Variants in RAB3IP observed in about 807,000 individuals in gnomAD.
The protein encoded by RAB3IP is rab-3A-interacting protein.
Under a neutral mutation model 59.1 loss-of-function variants are expected in RAB3IP, and 36 were observed. That is an observed-to-expected ratio of 0.61 (90% CI 0.47 to 0.80). The LOEUF (loss-of-function observed/expected upper bound fraction) is 0.80, where lower values mean the gene tolerates loss of function less well. Among genes scored for constraint, RAB3IP ranks in the 30% least tolerant of loss-of-function variants. The probability of loss-of-function intolerance (pLI) is 0.00; values close to 1 mark genes in which losing one functional copy is unlikely to be tolerated. For missense variants in RAB3IP, 511 were observed against 536.0 expected, an observed-to-expected ratio of 0.95 and a Z score of 0.46; for synonymous variants, 207 against 191.2, an observed-to-expected ratio of 1.08 and a Z score of -0.68.
At chr12:69,780,056 C>T (rs924436863) in intron 3 of RAB3IP, among the ~76,000 whole-genome samples, 3 of 152,142 alleles carry the variant, frequency 2.0e-5, no homozygotes, top group Non-Finnish European at 4.4e-5. Flanking sequence ...CGGTAGAGGG[C>T]GCCTTAAGCC....
intron 8 of RAB3IP, among the ~76,000 whole-genome samples, chr12:69,811,101 A>T (rs1458995891): frequency 1.3e-5 from 2 of 152,214 alleles, no homozygotes; most frequent in African/African-American, 4.8e-5. Context: ...CTGGAGCTGG[A>T]GGCCGTTATC....
chr12:69,802,591 A>G (rs1454493384), intron 8 of RAB3IP, among the ~76,000 whole-genome samples: 1 of 152,206 alleles, frequency 6.6e-6, no homozygotes, highest in African/African-American at 2.4e-5. Context: ...AAAGATGCTT[A>G]TTAAGTGCTT....
At chr12:69,760,294 C>G (rs1326021307) in intron 3 of RAB3IP, among the ~76,000 whole-genome samples, 1 of 152,232 alleles carries the variant, frequency 6.6e-6, no homozygotes, top group African/African-American at 2.4e-5. Flanking sequence ...GCAGGAGAAT[C>G]AGGCAGGGAG....
intron 6 of RAB3IP, among the ~76,000 whole-genome samples, chr12:69,797,009 A>G (rs922860124): frequency 5.9e-5 from 9 of 152,208 alleles, no homozygotes; most frequent in Admixed American, 1.3e-4. Context: ...GTTTCATGAA[A>G]AACTTGTCAA....
rs1417308017 is a variant in RAB3IP at position 69,815,634 on chromosome 12, A to G, written c.*188A>G. 4 of 410,248 alleles carry G rather than the reference A, an allele frequency of 9.8e-6. No homozygotes were observed. The highest frequency in any genetic ancestry group is 8.2e-5 in the African/African-American group (4 of 49,042). The allele number at this position is 410,248 out of a possible 1,614,324, so 25.4% of individuals were successfully genotyped here. ...CTGTGTTTGCTTATTCTTTAGTTGA[A>G]CACACTATGAAGAATTCCAGGTGTA... On this transcript the variant is annotated 3_prime_UTR_variant, in exon 11 of 11. Coordinates refer to ENST00000247833, the MANE Select transcript of RAB3IP (RefSeq NM_022456.5).
At chr12:69,741,442 C>G (rs1887335412) in intron 1 of RAB3IP, among the ~76,000 whole-genome samples, 1 of 152,184 alleles carries the variant, frequency 6.6e-6, no homozygotes, top group Admixed American at 6.5e-5. Context: ...TATTAAAGAG[C>G]TTTGTAACTA....
intron 3 of RAB3IP, among the ~76,000 whole-genome samples, chr12:69,765,490 AC>A: frequency 6.6e-6 from 1 of 152,326 alleles, no homozygotes; most frequent in East Asian, 1.9e-4. Flanking sequence ...AATAAAGCCT[AC>A]TTGATCATAA....
chr12:69,803,677 G>A (rs1878757675), intron 8 of RAB3IP, among the ~76,000 whole-genome samples: 1 of 151,798 alleles, frequency 6.6e-6, no homozygotes, highest in South Asian at 2.1e-4. Flanking sequence ...TCCCCGGTGT[G>A]TGATGTTCCC....
rs71437123 is a variant in RAB3IP, at chr12:69,773,399, C to CTTTTTTTTTTTTTTTTTT, written c.511-11314_511-11297dup. On this transcript the variant is annotated intron_variant, in intron 3 of 10. Transcript: ENST00000247833. ...ATACGCCTTCTACCCATTTGTCTTT[C>CTTTTTTTTTTTTTTTTTT]TTTTTTTTTTTTTTTTTTTTTTTTA... 7.7e-4 allele frequency among the ~76,000 whole-genome samples: 37 copies of CTTTTTTTTTTTTTTTTTT among 48,004 alleles called. 1 individual carries two copies. Among genetic ancestry groups the CTTTTTTTTTTTTTTTTTT allele is most frequent in the Non-Finnish European group, 1.1e-3 (29 of 26,808 alleles). The allele number at this position is 48,004 out of a possible 152,430, so 31.5% of individuals were successfully genotyped here. A position where few individuals can be genotyped will look rare whatever the true frequency, so the allele number is the denominator to read the frequency against.
intron 4 of RAB3IP, among the ~76,000 whole-genome samples, 165 bp from the exon 5 acceptor site, chr12:69,794,272 A>G (rs1256029559): frequency 1.3e-5 from 2 of 152,210 alleles, no homozygotes; most frequent in African/African-American, 4.8e-5. Context: ...AATGTCTCAT[A>G]GTTTGTCTCT....
intron 8 of RAB3IP, among the ~76,000 whole-genome samples, chr12:69,810,281 G>A (rs918106242): frequency 6.6e-6 from 1 of 152,140 alleles, no homozygotes; most frequent in Admixed American, 6.5e-5. Flanking sequence ...AGGAGTACCC[G>A]GCAGTGTGAG....
At position 69,821,578 on chromosome 12, in the gene RAB3IP, A is replaced by G. The variant is rs1189870266; in HGVS notation, c.*6132A>G. ...TGTGGGCTCCATTGTGTTTTCACAC[A>G]ATGTGCTATTTGTCCTTCACAGTGT... On this transcript the variant is annotated 3_prime_UTR_variant, in exon 11 of 11. Coordinates refer to ENST00000247833, the MANE Select transcript of RAB3IP (RefSeq NM_022456.5). 1 of 152,206 alleles carries G rather than the reference A, an allele frequency of 6.6e-6. No individual in the cohort carries two copies. Among genetic ancestry groups the G allele is most frequent in the African/African-American group, 2.4e-5 (1 of 41,440 alleles). 9.4% of individuals were successfully genotyped at this position (152,206 alleles called of 1,614,324 possible). A position where few individuals can be genotyped will look rare whatever the true frequency, so the allele number is the denominator to read the frequency against.
At chr12:69,747,024 A>G (rs897322623) in intron 1 of RAB3IP, among the ~76,000 whole-genome samples, 1 of 152,182 alleles carries the variant, frequency 6.6e-6, no homozygotes, top group African/African-American at 2.4e-5. Context: ...ATACTACAGG[A>G]TTTATAGATG....
intron 1 of RAB3IP, among the ~76,000 whole-genome samples, chr12:69,744,764 A>T (rs1411616096): frequency 6.6e-6 from 1 of 152,074 alleles, no homozygotes; most frequent in Non-Finnish European, 1.5e-5. Flanking sequence ...AAAATGGGAA[A>T]ATTGTGTAGC....
Position 69,794,366 on chromosome 12 carries a change from A to G in RAB3IP, c.607-71A>G, listed in dbSNP as rs191708770. The stretch of plus-strand genomic sequence containing the variant: ...GTAGTATATCTTTGCTTCAATTGTA[A>G]ACATTTGGCAAGAACTTTTTGAAAA... On this transcript the variant is annotated intron_variant, in intron 4 of 10. Coordinates refer to ENST00000247833, the MANE Select transcript of RAB3IP (RefSeq NM_022456.5). 5.0e-4 allele frequency: 642 copies of G among 1,279,718 alleles called. No individual in the cohort carries two copies. Among genetic ancestry groups the G allele is most frequent in the Middle Eastern group, 2.1e-3 (11 of 5,230 alleles). 79.3% of individuals were successfully genotyped at this position (1,279,718 alleles called of 1,614,324 possible).
chr12:69,791,629 C>A (rs1361360550), intron 4 of RAB3IP, among the ~76,000 whole-genome samples: 2 of 152,158 alleles, frequency 1.3e-5, no homozygotes, highest in Admixed American at 1.3e-4. Flanking sequence ...GCACCCCACA[C>A]TGGTTAGAAT....
intron 4 of RAB3IP, among the ~76,000 whole-genome samples, chr12:69,789,580 C>T (rs1168801995): frequency 6.6e-6 from 1 of 152,116 alleles, no homozygotes; most frequent in East Asian, 1.9e-4. Flanking sequence ...CTTCCAAACT[C>T]ATTTTATGAG....
chr12:69,779,557 T>G (rs1264262376), intron 3 of RAB3IP, among the ~76,000 whole-genome samples: 2 of 151,654 alleles, frequency 1.3e-5, no homozygotes, highest in Middle Eastern at 6.8e-3. Context: ...TTTTTTTTTC[T>G]TCTCTACCTG....
chr12:69,784,175 C>T (rs1219169291), intron 3 of RAB3IP, among the ~76,000 whole-genome samples: 3 of 151,874 alleles, frequency 2.0e-5, no homozygotes, highest in African/African-American at 7.3e-5. Context: ...TTTTTGGTAA[C>T]GTTTTTCTTG....
Sources: gnomAD v4.1 joint callset for allele counts (sites outside exome capture counted in the v4.1 genomes callset) on GRCh38, gnomAD v4.1.1 for gene constraint, MANE v1.5 for transcripts, NCBI Gene and HGNC (gene_info 2026-07-23, HGNC 2026-07-21) for gene names.